DPH6: variants seen among roughly 807,000 people sequenced by gnomAD.
DPH6 encodes diphthamine biosynthesis 6.
A neutral mutation model predicts 38.2 loss-of-function variants in DPH6; 33 were observed. That is an observed-to-expected ratio of 0.86 (90% CI 0.65 to 1.15). The LOEUF (loss-of-function observed/expected upper bound fraction) is 1.15, where lower values mean the gene tolerates loss of function less well. DPH6 is among the 50% of genes most tolerant of loss of function. DPH6 has a pLI of 0.00. For missense variants in DPH6, 325 were observed against 320.0 expected (o/e 1.02, Z -0.12); for synonymous variants, 108 against 103.0 (o/e 1.05, Z -0.30).
At chr15:35,453,576 A>T (rs1879468358) in intron 4 of DPH6, among the ~76,000 whole-genome samples, 1 of 152,168 alleles carries the variant, frequency 6.6e-6, no homozygotes, top group South Asian at 2.1e-4. Flanking sequence ...ACATCTAGGT[A>T]GAATGTAAGG....
intron 3 of DPH6, among the ~76,000 whole-genome samples, chr15:35,260,360 C>G (rs891202587): frequency 3.9e-5 from 6 of 152,086 alleles, no homozygotes; most frequent in Non-Finnish European, 8.8e-5. Flanking sequence ...CCCACCTCGG[C>G]CTCCCAAAGT....
intron 6 of DPH6, among the ~76,000 whole-genome samples, chr15:35,384,909 T>TA (rs1375871917): frequency 5.3e-5 from 8 of 151,564 alleles, no homozygotes; most frequent in Non-Finnish European, 7.4e-5. Flanking sequence ...ACAAGGAACT[T>TA]AAACAAATTT....
chr15:35,326,976 G>A (rs2052287530), downstream of DPH6, among the ~76,000 whole-genome samples: 1 of 152,150 alleles, frequency 6.6e-6, no homozygotes, highest in African/African-American at 2.4e-5. Flanking sequence ...GGAAATATTA[G>A]AGTGGGAGTG....
At chr15:35,360,401 T>C (rs1010246798) in intron 3 of DPH6, among the ~76,000 whole-genome samples, 5 of 152,116 alleles carry the variant, frequency 3.3e-5, no homozygotes, top group African/African-American at 1.2e-4. Flanking sequence ...GACTTCTGGG[T>C]CTGCAGATGG....
At chr15:35,420,324 A>T (rs1329134719) in intron 5 of DPH6, among the ~76,000 whole-genome samples, 1 of 152,144 alleles carries the variant, frequency 6.6e-6, no homozygotes, top group East Asian at 1.9e-4. Context: ...GTTTGTAGCA[A>T]TAAATGCCTA....
chr15:35,419,426 T>A (rs16960879), intron 5 of DPH6, among the ~76,000 whole-genome samples: 46,509 of 151,898 alleles, frequency 0.31, 7,842 homozygotes, highest in African/African-American at 0.45. Flanking sequence ...AGAGGTTGTG[T>A]TATGAGTTAT....
chr15:35,335,193 T>C lies in DPH6; in HGVS notation n.208-4116A>G, dbSNP rs1725696525. On this transcript the variant is annotated intron_variant and non_coding_transcript_variant, in intron 3 of 3. Transcript: ENST00000558973. ...TTTACATATGTTTGTTGGCTGCATGTATGCCTTCTTTTGGTATGGGTCTGT... is the reference window on the plus strand; with the variant it reads ...TTTACATATGTTTGTTGGCTGCATGCATGCCTTCTTTTGGTATGGGTCTGT... 2.0e-5 allele frequency among the ~76,000 whole-genome samples: 3 copies of C among 152,266 alleles called. No individual in the cohort carries two copies. In the South Asian group the frequency reaches 6.2e-4, roughly 32 times the overall value.
intron 3 of DPH6, chr15:35,238,343 C>A: frequency 2.6e-6 from 1 of 381,142 alleles, no homozygotes; most frequent in South Asian, 3.7e-5. Flanking sequence ...CTATTTCCTG[C>A]TTACAAAATC....
chr15:35,255,899 T>C (rs1267754402), intron 3 of DPH6, among the ~76,000 whole-genome samples: 1 of 152,130 alleles, frequency 6.6e-6, no homozygotes, highest in African/African-American at 2.4e-5. Context: ...TCCATAATGG[T>C]GAATAACACA....
intron 3 of DPH6, among the ~76,000 whole-genome samples, chr15:35,469,333 CATT>C (rs902531241): frequency 3.9e-5 from 6 of 151,994 alleles, no homozygotes; most frequent in Non-Finnish European, 7.4e-5. Flanking sequence ...AGTATATTGA[CATT>C]GTTGTATAGC....
At chr15:35,281,430 C>T (rs1279810052) in intron 3 of DPH6, among the ~76,000 whole-genome samples, 1 of 152,020 alleles carries the variant, frequency 6.6e-6, no homozygotes, top group African/African-American at 2.4e-5. Flanking sequence ...TATTTTGACC[C>T]AAAATAATTT....
At chr15:35,427,367 G>A (rs1225799009) in intron 5 of DPH6, among the ~76,000 whole-genome samples, 3 of 151,976 alleles carry the variant, frequency 2.0e-5, no homozygotes, top group Non-Finnish European at 4.4e-5. Context: ...GAAATAAAGT[G>A]TGAAATGGCT....
chr15:35,387,348 C>T (rs1033079605), intron 6 of DPH6, among the ~76,000 whole-genome samples: 36 of 152,120 alleles, frequency 2.4e-4, no homozygotes, highest in Non-Finnish European at 1.5e-4. Context: ...TCCATATAAA[C>T]TTTAAAGTAG....
intron 3 of DPH6, among the ~76,000 whole-genome samples, chr15:35,346,942 A>G (rs1265865001): frequency 6.6e-6 from 1 of 152,120 alleles, no homozygotes. Flanking sequence ...GTGGTAAAAA[A>G]TGCACAATAA....
intron 6 of DPH6, among the ~76,000 whole-genome samples, chr15:35,404,283 AG>A (rs2053260985): frequency 6.6e-6 from 1 of 152,016 alleles, no homozygotes; most frequent in African/African-American, 2.4e-5. Context: ...TCTATTTTTT[AG>A]TTTTTTGAGG....
At chr15:35,190,917 TA>T in the DPH6 span, among the ~76,000 whole-genome samples, 1 of 152,190 alleles carries the variant, frequency 6.6e-6, no homozygotes, top group Admixed American at 6.5e-5. Context: ...TCAATCAGAC[TA>T]AAATTTCACC....
chr15:35,532,390 G>A (rs1239998906), intron 3 of DPH6, among the ~76,000 whole-genome samples: 1 of 152,172 alleles, frequency 6.6e-6, no homozygotes, highest in Non-Finnish European at 1.5e-5. Context: ...TGAAAAACCA[G>A]TAGTGGTGAG....
At chr15:35,383,636 T>C (rs1419650170) in intron 6 of DPH6, among the ~76,000 whole-genome samples, 1 of 152,216 alleles carries the variant, frequency 6.6e-6, no homozygotes, top group Non-Finnish European at 1.5e-5. Context: ...TATTGACACA[T>C]AGGTTCCAAG....
At chr15:35,494,290 G>A (rs1292302550) in intron 3 of DPH6, among the ~76,000 whole-genome samples, 1 of 152,010 alleles carries the variant, frequency 6.6e-6, no homozygotes, top group Non-Finnish European at 1.5e-5. Flanking sequence ...TAATGATTCT[G>A]AATAGCTCCA....
Sources: gnomAD v4.1 joint callset for allele counts (sites outside exome capture counted in the v4.1 genomes callset) on GRCh38, gnomAD v4.1.1 for gene constraint, MANE v1.5 for transcripts, NCBI Gene and HGNC (gene_info 2026-07-23, HGNC 2026-07-21) for gene names.